The following ZNF257 variants were observed in gnomAD, a reference collection of about 807,000 sequenced individuals.
The protein encoded by ZNF257 is zinc finger protein 257.
Under a neutral mutation model 11.9 loss-of-function variants are expected in ZNF257, and 12 were observed. The observed-to-expected ratio is 1.01, with a 90% CI of 0.65 to 1.63. ZNF257 has a LOEUF of 1.63. ZNF257 is among the 40% of genes most tolerant of loss of function. The probability of loss-of-function intolerance (pLI) is 0.00; values close to 1 mark genes in which losing one functional copy is unlikely to be tolerated. For synonymous variants in ZNF257, 183 were observed against 222.7 expected (o/e 0.82, Z 1.59); for missense variants, 580 against 665.5 (o/e 0.87, Z 1.41).
intron 3 of ZNF257, among the ~76,000 whole-genome samples, chr19:22,078,938 A>G (rs1016960256): frequency 2.6e-5 from 4 of 151,930 alleles, no homozygotes; most frequent in African/African-American, 9.7e-5. Flanking sequence ...GATTACAGGC[A>G]TGTGCCACCA....
At chr19:22,068,156 CTTTTT>C (rs758701719) in intron 1 of ZNF257, among the ~76,000 whole-genome samples, 4 of 121,234 alleles carry the variant, frequency 3.3e-5, no homozygotes, top group Non-Finnish European at 5.1e-5. Flanking sequence ...CTCTGTCCCT[CTTTTT>C]TTTTTTTTTT....
chr19:22,087,777 T>A (rs2022508469), intron 3 of ZNF257, among the ~76,000 whole-genome samples, 200 bp from the exon 4 acceptor site: 3 of 152,180 alleles, frequency 2.0e-5, no homozygotes, highest in African/African-American at 7.2e-5. Flanking sequence ...CACACTTAAC[T>A]CATTTATAAA....
intron 3 of ZNF257, among the ~76,000 whole-genome samples, chr19:22,073,800 A>G (rs778319048): frequency 1.3e-5 from 2 of 152,088 alleles, no homozygotes; most frequent in Non-Finnish European, 2.9e-5. Context: ...TCAAGTTTAC[A>G]GTGAGAGCCA....
intron 1 of ZNF257, among the ~76,000 whole-genome samples, chr19:22,057,479 A>G (rs2021675137): frequency 6.6e-6 from 1 of 151,076 alleles, no homozygotes; most frequent in Admixed American, 6.7e-5. Flanking sequence ...GGGGATCCAC[A>G]GGCAGATGCA....
intron 1 of ZNF257, among the ~76,000 whole-genome samples, chr19:22,060,183 G>T (rs1418895035): frequency 6.6e-6 from 1 of 152,342 alleles, no homozygotes; most frequent in East Asian, 1.9e-4. Flanking sequence ...TTAAGAGGTT[G>T]CTAGGTCAAA....
chr19:22,083,556 T>A (rs988479438), intron 3 of ZNF257, among the ~76,000 whole-genome samples: 4 of 152,170 alleles, frequency 2.6e-5, no homozygotes, highest in Non-Finnish European at 4.4e-5. Flanking sequence ...TATAATAAAA[T>A]ATTTTCAAAT....
chr19:22,083,868 G>A (rs892152399), intron 3 of ZNF257, among the ~76,000 whole-genome samples: 1 of 152,096 alleles, frequency 6.6e-6, no homozygotes, highest in South Asian at 2.1e-4. Flanking sequence ...GGTCCGGTGT[G>A]GTAGCTCACG....
chr19:22,073,073 C>G (rs994548819), intron 2 of ZNF257, 138 bp downstream of exon 2: 2 of 1,072,618 alleles, frequency 1.9e-6, no homozygotes, highest in East Asian at 5.8e-5. Flanking sequence ...TTTCATATCC[C>G]TGTTTTCAAG....
intron 1 of ZNF257, among the ~76,000 whole-genome samples, chr19:22,061,727 A>G (rs968675979): frequency 2.0e-5 from 3 of 151,984 alleles, no homozygotes; most frequent in Admixed American, 1.3e-4. Context: ...TTAAAGAGAA[A>G]TGCTTCCAGC....
At chr19:22,073,679 T>G in intron 3 of ZNF257, 115 bp downstream of exon 3, 1 of 1,349,698 alleles carries the variant, frequency 7.4e-7, no homozygotes, top group African/African-American at 1.6e-5. Flanking sequence ...GGGATATAGT[T>G]TCTGGAAGCC....
intron 3 of ZNF257, among the ~76,000 whole-genome samples, chr19:22,082,520 C>G (rs2022384203): frequency 1.3e-5 from 2 of 152,122 alleles, no homozygotes; most frequent in Admixed American, 1.3e-4. Flanking sequence ...GATGAACACT[C>G]TCACCTTTTA....
At chr19:22,080,479 C>G (rs1489415956) in intron 3 of ZNF257, among the ~76,000 whole-genome samples, 1 of 152,100 alleles carries the variant, frequency 6.6e-6, no homozygotes, top group African/African-American at 2.4e-5. Flanking sequence ...TGTCCAGTTA[C>G]CAGTTACTCT....
chr19:22,055,756 G>GT (rs1658617172), intron 1 of ZNF257, among the ~76,000 whole-genome samples: 1 of 151,834 alleles, frequency 6.6e-6, no homozygotes, highest in African/African-American at 2.4e-5. Context: ...TACTCCCTCG[G>GT]TTTGTCACCT....
chr19:22,057,950 G>A (rs570287877), intron 1 of ZNF257, among the ~76,000 whole-genome samples: 206 of 152,100 alleles, frequency 1.4e-3, no homozygotes, highest in African/African-American at 4.8e-3. Flanking sequence ...TTGTAGAGAC[G>A]GGGGTTTCAC....
intron 1 of ZNF257, among the ~76,000 whole-genome samples, chr19:22,068,578 T>C (rs929744959): frequency 1.3e-5 from 2 of 152,144 alleles, no homozygotes; most frequent in African/African-American, 4.8e-5. Context: ...TTTGATAGTG[T>C]GGCTCTTTGA....
chr19:22,057,114 T>G (rs1185218225), intron 1 of ZNF257, among the ~76,000 whole-genome samples: 1 of 152,190 alleles, frequency 6.6e-6, no homozygotes, highest in African/African-American at 2.4e-5. Context: ...ACTAATTATT[T>G]ACAACATGAT....
chr19:22,073,431 T>G, intron 2 of ZNF257, 38 bp from the exon 3 acceptor site: 2 of 1,578,436 alleles, frequency 1.3e-6, no homozygotes, highest in Non-Finnish European at 1.7e-6. Context: ...AATTGGAGAA[T>G]ATGAGCAAGA....
At chr19:22,085,538 T>G (rs2022456571) in intron 3 of ZNF257, among the ~76,000 whole-genome samples, 1 of 152,168 alleles carries the variant, frequency 6.6e-6, no homozygotes, top group Admixed American at 6.5e-5. Context: ...GTCCACTGTT[T>G]CCTTATTAAT....
chr19:22,075,206 A>G (rs2022199257), intron 3 of ZNF257, among the ~76,000 whole-genome samples: 1 of 152,148 alleles, frequency 6.6e-6, no homozygotes, highest in Non-Finnish European at 1.5e-5. Flanking sequence ...TTATTTTTGG[A>G]CAGATTGGAT....
Sources: allele counts gnomAD v4.1 joint callset (sites outside exome capture counted in the v4.1 genomes callset), GRCh38; gene constraint gnomAD v4.1.1; transcripts MANE v1.5; gene names NCBI Gene and HGNC (gene_info 2026-07-23, HGNC 2026-07-21).